TNPO1: variants seen among roughly 807,000 people sequenced by gnomAD.
The protein encoded by TNPO1 is transportin 1.
In TNPO1, 8 loss-of-function variants were observed where a neutral mutation model predicts 119.5. The observed-to-expected ratio is 0.07, with a 90% confidence interval of 0.04 to 0.12. The LOEUF is 0.12. Among genes scored for constraint, TNPO1 ranks in the 10% least tolerant of loss-of-function variants. The pLI is 1.00. For missense variants in TNPO1, 576 were observed against 1,089.8 expected, an observed-to-expected ratio of 0.53 and a Z score of 6.64; for synonymous variants, 362 against 363.0, an observed-to-expected ratio of 1.00 and a Z score of 0.03.
intron 1 of TNPO1, among the ~76,000 whole-genome samples, chr5:72,818,662 T>G (rs1743804690): frequency 6.6e-6 from 1 of 152,218 alleles, no homozygotes; most frequent in Non-Finnish European, 1.5e-5. Context: ...GTTCTTTTTA[T>G]TGGCCAGGGT....
At chr5:72,877,964 A>G (rs1475345469) in intron 9 of TNPO1, among the ~76,000 whole-genome samples, 2 of 152,200 alleles carry the variant, frequency 1.3e-5, no homozygotes, top group Non-Finnish European at 1.5e-5. Flanking sequence ...TTAACATGAC[A>G]TCTTGCCTAT....
At chr5:72,852,613 G>A (rs995917193) in intron 3 of TNPO1, among the ~76,000 whole-genome samples, 2 of 152,196 alleles carry the variant, frequency 1.3e-5, no homozygotes, top group African/African-American at 4.8e-5. Context: ...GAAATAACAA[G>A]GTTTAGACAA....
chr5:72,854,952 A>G (rs1371863457), intron 3 of TNPO1, among the ~76,000 whole-genome samples: 1 of 152,132 alleles, frequency 6.6e-6, no homozygotes, highest in African/African-American at 2.4e-5. Context: ...TAATTTTTCA[A>G]TATTATATTT....
intron 14 of TNPO1, among the ~76,000 whole-genome samples, chr5:72,891,551 CT>C (rs1189461951): frequency 6.6e-6 from 1 of 152,038 alleles, no homozygotes; most frequent in Non-Finnish European, 1.5e-5. Flanking sequence ...TTGATAGACT[CT>C]TTTTTTCAAC....
At chr5:72,899,448 T>C (rs1368513105) in intron 20 of TNPO1, among the ~76,000 whole-genome samples, 1 of 150,670 alleles carries the variant, frequency 6.6e-6, no homozygotes, top group Non-Finnish European at 1.5e-5. Context: ...TTGGCAAATG[T>C]TAATCAAAGA....
intron 12 of TNPO1, among the ~76,000 whole-genome samples, chr5:72,887,430 C>G (rs145359853): frequency 0.017 from 2,630 of 152,278 alleles, 74 homozygotes; most frequent in African/African-American, 0.059. Context: ...TGGCTCACGC[C>G]TATAATCTCA....
chr5:72,823,536 C>T (rs1284366014), intron 1 of TNPO1, among the ~76,000 whole-genome samples: 2 of 152,184 alleles, frequency 1.3e-5, no homozygotes. Context: ...AGTGCCTCAG[C>T]CCTAACCATC....
chr5:72,901,287 G>C (rs1262027977), intron 22 of TNPO1, among the ~76,000 whole-genome samples: 2 of 151,536 alleles, frequency 1.3e-5, no homozygotes. Context: ...AGTAACAGCA[G>C]ATTGGGACAA....
chr5:72,891,716 A>G (rs1426320082), intron 14 of TNPO1, 94 bp from the exon 15 acceptor site: 3 of 898,346 alleles, frequency 3.3e-6, no homozygotes, highest in Non-Finnish European at 5.3e-6. Flanking sequence ...ATTTTACACA[A>G]TTGCTCAAAA....
chr5:72,878,751 T>C (rs1056948466), intron 9 of TNPO1: 5 of 260,552 alleles, frequency 1.9e-5, no homozygotes, highest in African/African-American at 9.1e-5. Context: ...CGTTTGAGTT[T>C]CTGTGGGGTC....
intron 4 of TNPO1, among the ~76,000 whole-genome samples, chr5:72,856,431 C>T (rs1180166144): frequency 6.6e-6 from 1 of 151,934 alleles, no homozygotes; most frequent in Non-Finnish European, 1.5e-5. Flanking sequence ...CAGGGTTTTA[C>T]CATGTTGGCC....
chr5:72,865,768 T>C (rs1580420438), intron 6 of TNPO1, 39 bp downstream of exon 6: 2 of 1,573,384 alleles, frequency 1.3e-6, no homozygotes, highest in East Asian at 2.3e-5. Context: ...AACTGTGATA[T>C]AAACCTGACC....
In TNPO1 at chr5:72,855,897, C is replaced by T. The variant is rs1313940518; in HGVS notation, c.329C>T (p.Ser110Phe). 6.2e-7 allele frequency: 1 copy of T among 1,613,652 alleles called. No homozygotes were observed. Among genetic ancestry groups the T allele is most frequent in the South Asian group, 1.1e-5 (1 of 91,038 alleles). ...KSECLNNIGD[S>F]SPLIRATVGI... ...GAATGTTTAAATAATATTGGTGACT[C>T]CTCTCCTCTGATTAGAGCCACTGTT... The change falls in exon 4 of 25, where the codon TCC becomes TTC. Residue 110 changes from serine to phenylalanine, a missense_variant. Ser to Phe is a radical substitution (Grantham distance 155, BLOSUM62 -2). Around this residue, in one of 6 missense-constraint regions of TNPO1, gnomAD observed 310 missense variants for 583.0 expected, o/e 0.53. Coordinates refer to ENST00000337273, the MANE Select transcript of TNPO1 (RefSeq NM_002270.4).
intron 21 of TNPO1, 96 bp from the exon 22 acceptor site, chr5:72,900,878 A>G (rs1714814720): frequency 4.1e-6 from 3 of 731,234 alleles, no homozygotes; most frequent in African/African-American, 1.8e-5. Flanking sequence ...ATCATTATCT[A>G]TACTGTGGTG....
intron 1 of TNPO1, chr5:72,816,981 C>A: frequency 2.0e-6 from 1 of 497,888 alleles, no homozygotes; most frequent in Non-Finnish European, 3.5e-6. Flanking sequence ...GGCGGCTCCT[C>A]AAGCGTCCGA....
rs901783852 is a variant in TNPO1, at chr5:72,874,479, A to G, written c.679-1136A>G. Among the ~76,000 whole-genome samples, 4 of 152,292 alleles carry G rather than the reference A, an allele frequency of 2.6e-5. No homozygotes were observed. In the East Asian group the frequency reaches 7.7e-4, roughly 29 times the overall value. On this transcript the variant is annotated intron_variant, in intron 7 of 24. Transcript: ENST00000337273. ...ACCCCCAACCCAGTTGCTGTTCTCT[A>G]GAGTAAATTAATGAAATCTTTTAAT...
intron 15 of TNPO1, among the ~76,000 whole-genome samples, 188 bp downstream of exon 15, chr5:72,892,084 T>C (rs939215942): frequency 6.6e-6 from 1 of 152,108 alleles, no homozygotes; most frequent in Admixed American, 6.5e-5. Context: ...AGTTCTCTTA[T>C]GTTATCTACT....
At chr5:72,868,591 C>T (rs560694073) in intron 6 of TNPO1, among the ~76,000 whole-genome samples, 1 of 152,092 alleles carries the variant, frequency 6.6e-6, no homozygotes, top group South Asian at 2.1e-4. Context: ...TTTAAAATGT[C>T]ACCTCTGTTA....
At chr5:72,891,118 C>T (rs1353108440) in intron 14 of TNPO1, among the ~76,000 whole-genome samples, 3 of 151,940 alleles carry the variant, frequency 2.0e-5, no homozygotes, top group South Asian at 2.1e-4. Context: ...GCTGGAATTA[C>T]AGGTGTGAGC....
Sources: gnomAD v4.1 joint callset for allele counts (sites outside exome capture counted in the v4.1 genomes callset) on GRCh38, gnomAD v4.1.1 for gene constraint, gnomAD v4.1.1 regional missense constraint, MANE v1.5 for transcripts, NCBI Gene and HGNC (gene_info 2026-07-23, HGNC 2026-07-21) for gene names.